TG: variants seen among roughly 807,000 people sequenced by gnomAD.
TG encodes the protein thyroid hormones.
In TG, 270 loss-of-function variants were observed where a neutral mutation model predicts 324.7. The observed-to-expected ratio is 0.83, with a 90% CI of 0.75 to 0.92. The LOEUF is 0.92. Ranked by LOEUF, TG falls within the 40% of genes least tolerant of loss-of-function variation. The pLI is 0.00. For synonymous variants in TG, 1,401 were observed against 1,327.0 expected (o/e 1.06, Z -1.21); for missense variants, 3,591 against 3,456.4 (o/e 1.04, Z -0.98).
chr8:133,005,773 T>C (rs1273325556), intron 35 of TG, among the ~76,000 whole-genome samples: 1 of 152,100 alleles, frequency 6.6e-6, no homozygotes, highest in Non-Finnish European at 1.5e-5. Context: ...AAGGGGGCCC[T>C]GATGTTATTC....
intron 8 of TG, among the ~76,000 whole-genome samples, chr8:132,886,011 C>T (rs1403555938): frequency 6.6e-6 from 1 of 152,112 alleles, no homozygotes; most frequent in African/African-American, 2.4e-5. Context: ...CACCCTAATC[C>T]AGTATGACAT....
chr8:133,109,776 T>A (rs1850114728), intron 43 of TG, among the ~76,000 whole-genome samples: 1 of 152,182 alleles, frequency 6.6e-6, no homozygotes, highest in African/African-American at 2.4e-5. Context: ...CCTCGGCTAC[T>A]CCCTTTGCCG....
rs185963532 is a variant in TG, at chr8:132,876,608, C to A, written c.638+3387C>A. 3.0e-3 allele frequency among the ~76,000 whole-genome samples: 461 copies of A among 152,226 alleles called. 1 individual carries two copies. Among genetic ancestry groups the A allele is most frequent in the African/African-American group, 0.01 (435 of 41,534 alleles). On this transcript the variant is annotated intron_variant, in intron 5 of 47. Transcript: ENST00000220616. ...TGATGTTTGCCCATCTGAAGTAGGT[C>A]CTTTTGCCCTTCAAGAAGGCTACTG...
At chr8:132,950,744 T>A (rs1324011796) in intron 27 of TG, among the ~76,000 whole-genome samples, 2 of 152,192 alleles carry the variant, frequency 1.3e-5, no homozygotes, top group Non-Finnish European at 2.9e-5. Flanking sequence ...TGCCTGTCTA[T>A]ATAATGACAG....
At position 133,020,724 on chromosome 8, in the gene TG, C is replaced by T. The variant is rs144290249; in HGVS notation, c.6876+1029C>T. Among the ~76,000 whole-genome samples, 525 of 152,320 alleles carry T rather than the reference C, an allele frequency of 3.4e-3. 4 individuals are homozygous for T. The highest frequency in any genetic ancestry group is 0.012 in the African/African-American group (513 of 41,584). Reference sequence around the variant, plus strand: ...CTCTGAAAGGCATTTCAATGAGTGACTCCACTGCTCTGAAACTCTGCTTTC... The same window carrying T: ...CTCTGAAAGGCATTTCAATGAGTGATTCCACTGCTCTGAAACTCTGCTTTC... On this transcript the variant is annotated intron_variant, in intron 39 of 47. Coordinates refer to ENST00000220616, the MANE Select transcript of TG (RefSeq NM_003235.5).
intron 41 of TG, among the ~76,000 whole-genome samples, chr8:133,078,057 G>A (rs2131501882): frequency 6.6e-6 from 1 of 152,278 alleles, no homozygotes; most frequent in East Asian, 1.9e-4. Flanking sequence ...GCTTTTGTGT[G>A]GACTCAGCTC....
At chr8:133,040,357 G>A in intron 41 of TG, 1 of 532,472 alleles carries the variant, frequency 1.9e-6, no homozygotes, top group Admixed American at 3.2e-5. Flanking sequence ...GCCAGGCATG[G>A]GCAGAGAGAG....
intron 27 of TG, among the ~76,000 whole-genome samples, chr8:132,949,215 T>G (rs964431033): frequency 1.4e-4 from 22 of 152,326 alleles, no homozygotes; most frequent in African/African-American, 5.1e-4. Flanking sequence ...ATCTTGGGGT[T>G]AGCTGGCAAT....
intron 11 of TG, among the ~76,000 whole-genome samples, chr8:132,896,709 C>G (rs1024470052): frequency 6.6e-6 from 1 of 151,980 alleles, no homozygotes; most frequent in Admixed American, 6.5e-5. Flanking sequence ...TGCATTCATT[C>G]ACGCTTTTTT....
intron 43 of TG, among the ~76,000 whole-genome samples, chr8:133,111,129 C>T (rs946812645): frequency 7.2e-5 from 11 of 152,200 alleles, no homozygotes; most frequent in Non-Finnish European, 1.5e-4. Flanking sequence ...CCAGGCACTT[C>T]ATGGGCAAAA....
At chr8:133,009,581 G>T (rs942446384) in intron 35 of TG, among the ~76,000 whole-genome samples, 7 of 151,528 alleles carry the variant, frequency 4.6e-5, no homozygotes, top group Non-Finnish European at 1.0e-4. Flanking sequence ...CTGAATGTTT[G>T]CATCCTCCTC....
chr8:132,878,345 G>A (rs895221501), intron 5 of TG, among the ~76,000 whole-genome samples: 5 of 151,882 alleles, frequency 3.3e-5, no homozygotes, highest in South Asian at 4.1e-4. Context: ...GGTCCAGCGC[G>A]CTGGCTCACA....
chr8:133,018,241 C>T (rs1267534867), intron 38 of TG, among the ~76,000 whole-genome samples: 3 of 152,218 alleles, frequency 2.0e-5, no homozygotes, highest in Non-Finnish European at 4.4e-5. Context: ...TGCTCTGCTC[C>T]ATGCAGTGAT....
At chr8:132,961,780 A>T (rs1284873935) in intron 28 of TG, among the ~76,000 whole-genome samples, 1 of 149,770 alleles carries the variant, frequency 6.7e-6, no homozygotes, top group Non-Finnish European at 1.5e-5. Flanking sequence ...AAAGCCTCTG[A>T]CCCCATATTA....
intron 20 of TG, among the ~76,000 whole-genome samples, chr8:132,914,013 C>T (rs1389265267): frequency 2.0e-5 from 3 of 152,172 alleles, no homozygotes; most frequent in African/African-American, 7.2e-5. Flanking sequence ...ACCAAACCAG[C>T]AACATTTCAG....
At chr8:132,943,682 G>A (rs1381274747) in intron 26 of TG, among the ~76,000 whole-genome samples, 3 of 151,968 alleles carry the variant, frequency 2.0e-5, no homozygotes, top group Admixed American at 1.3e-4. Flanking sequence ...GTGCCTTTCC[G>A]GTTGCTCTCC....
intron 41 of TG, among the ~76,000 whole-genome samples, chr8:133,067,852 GAGAA>G (rs57930573): frequency 0.26 from 33,703 of 131,338 alleles, 4,520 homozygotes; most frequent in South Asian, 0.28. Flanking sequence ...CAGAGAGAGA[GAGAA>G]AGAAAGAAAG....
chr8:132,952,478 T>C (rs1826248789), intron 27 of TG, among the ~76,000 whole-genome samples: 1 of 152,190 alleles, frequency 6.6e-6, no homozygotes, highest in African/African-American at 2.4e-5. Context: ...CCTTGTTCTC[T>C]GGTCCCTGGC....
chr8:133,030,066 G>T (rs770958051), intron 41 of TG, 43 bp downstream of exon 41: 1 of 1,611,862 alleles, frequency 6.2e-7, no homozygotes, highest in Non-Finnish European at 8.5e-7. Flanking sequence ...TGCAGATGCG[G>T]CTGGGGGAGG....
Sources: gnomAD v4.1 joint callset for allele counts (sites outside exome capture counted in the v4.1 genomes callset) on GRCh38, gnomAD v4.1.1 for gene constraint, MANE v1.5 for transcripts, NCBI Gene and HGNC (gene_info 2026-07-23, HGNC 2026-07-21) for gene names.